CNBD1: variants seen among roughly 807,000 people sequenced by gnomAD.
CNBD1 encodes the protein cyclic nucleotide-binding domain-containing protein 1.
Under a neutral mutation model 54.4 loss-of-function variants are expected in CNBD1, and 71 were observed. The ratio of observed to expected loss-of-function variants is 1.30; its 90% CI spans 1.08 to 1.59. The LOEUF (loss-of-function observed/expected upper bound fraction) is 1.59, where lower values mean the gene tolerates loss of function less well. Among genes scored for constraint, CNBD1 ranks in the 40% most tolerant of loss-of-function variants. The pLI, the probability that CNBD1 is intolerant of heterozygous loss-of-function variation, is 0.00. For missense variants in CNBD1, 659 were observed against 518.0 expected (o/e 1.27, Z -2.64); for synonymous variants, 182 against 170.7 (o/e 1.07, Z -0.51).
rs147913481 is a variant in CNBD1 at position 87,405,544 on chromosome 8, C to T, written c.214-23002C>T. Among the ~76,000 whole-genome samples, 33 of 152,156 alleles carry T rather than the reference C, an allele frequency of 2.2e-4. No homozygotes were observed. The East Asian group carries it at 3.3e-3, about 15-fold the overall frequency. ...GCAATAATTCGTAAGTGGTTTATTA[C>T]TGCCTAAGACAAGGTTACCACTTTT... On this transcript the variant is annotated intron_variant, in intron 2 of 7. Coordinates refer to the CNBD1 transcript ENST00000521593.
intron 4 of CNBD1, among the ~76,000 whole-genome samples, chr8:87,188,228 A>G (rs1009376240): frequency 6.6e-6 from 1 of 152,122 alleles, no homozygotes; most frequent in African/African-American, 2.4e-5. Context: ...CCTAGACTAG[A>G]TTACGTCTCT....
At chr8:86,946,522 C>T (rs1013310987) in intron 4 of CNBD1, among the ~76,000 whole-genome samples, 9 of 151,980 alleles carry the variant, frequency 5.9e-5, no homozygotes, top group Non-Finnish European at 8.8e-5. Flanking sequence ...AAAGCTGAGG[C>T]TTCTTGTTTT....
At chr8:87,264,856 T>A (rs1808215960) in intron 6 of CNBD1, among the ~76,000 whole-genome samples, 2 of 152,184 alleles carry the variant, frequency 1.3e-5, no homozygotes, top group South Asian at 4.1e-4. Context: ...TGTTTGTTTT[T>A]TTCTTGTAAA....
chr8:87,234,502 G>A (rs535134245), intron 5 of CNBD1, among the ~76,000 whole-genome samples: 22 of 152,306 alleles, frequency 1.4e-4, no homozygotes, highest in South Asian at 6.2e-4. Flanking sequence ...TTCCGTCAGA[G>A]TTCTTGGGTG....
chr8:86,898,715 C>A (rs1808883982), intron 2 of CNBD1, among the ~76,000 whole-genome samples: 1 of 151,926 alleles, frequency 6.6e-6, no homozygotes, highest in African/African-American at 2.4e-5. Flanking sequence ...AAGTATAAAA[C>A]CATATAAGAT....
chr8:87,276,172 G>A (rs1465039367), intron 6 of CNBD1, among the ~76,000 whole-genome samples: 1 of 151,766 alleles, frequency 6.6e-6, no homozygotes, highest in Non-Finnish European at 1.5e-5. Context: ...ATTGATATTA[G>A]TTGGCTTGCT....
intron 4 of CNBD1, among the ~76,000 whole-genome samples, chr8:87,174,238 G>A (rs565156597): frequency 3.3e-5 from 5 of 152,066 alleles, no homozygotes; most frequent in Non-Finnish European, 7.4e-5. Flanking sequence ...GATTACAGAC[G>A]TGAGCCACCA....
chr8:87,306,180 A>G (rs117495075), intron 8 of CNBD1, among the ~76,000 whole-genome samples: 2,753 of 152,334 alleles, frequency 0.018, 63 homozygotes, highest in Middle Eastern at 0.11. Context: ...GATAAAGGAA[A>G]TGCAAATCAA....
rs1212912399 is a variant in CNBD1 at position 87,163,724 on chromosome 8, G to GT, written c.432-42261dup. Among the ~76,000 whole-genome samples, 3 of 150,886 alleles carry GT rather than the reference G, an allele frequency of 2.0e-5. No individual in the cohort carries two copies. Among genetic ancestry groups the GT allele is most frequent in the East Asian group, 3.9e-4 (2 of 5,120 alleles). ...CAGTTTTTTTGTTGGCGTCTTTAGG[G>GT]TTTTTTTTAAATATAAGATTATGTC... is the stretch of plus-strand genomic sequence containing the variant. On this transcript the variant is annotated intron_variant, in intron 4 of 10. Coordinates refer to ENST00000518476, the MANE Select transcript of CNBD1 (RefSeq NM_173538.3). This position sits in a 1 kb window ranked among gnomAD's most constrained non-coding sequence, Gnocchi z 4.5.
chr8:87,071,795 G>C (rs1156776866), intron 4 of CNBD1, among the ~76,000 whole-genome samples: 1 of 152,046 alleles, frequency 6.6e-6, no homozygotes. Flanking sequence ...TGTTGTTTTG[G>C]GGTGGAGAGT....
intron 8 of CNBD1, among the ~76,000 whole-genome samples, chr8:87,308,869 A>G (rs879332515): frequency 6.6e-6 from 1 of 152,112 alleles, no homozygotes; most frequent in Non-Finnish European, 1.5e-5. Context: ...GTCTTATTTC[A>G]TTTAATATAC....
chr8:87,359,568 T>A (rs1810488624), intron 10 of CNBD1, among the ~76,000 whole-genome samples: 1 of 152,162 alleles, frequency 6.6e-6, no homozygotes, highest in African/African-American at 2.4e-5. Context: ...TTAATTTTGC[T>A]GAAATAATTT....
chr8:86,874,372 C>G (rs899958454), intron 1 of CNBD1, among the ~76,000 whole-genome samples: 2 of 152,112 alleles, frequency 1.3e-5, no homozygotes, highest in East Asian at 3.9e-4. Flanking sequence ...TCTTTGTCAG[C>G]AATATCACAG....
chr8:87,373,889 T>A (rs970385537), intron 10 of CNBD1, among the ~76,000 whole-genome samples: 1 of 151,522 alleles, frequency 6.6e-6, no homozygotes, highest in Non-Finnish European at 1.5e-5. Flanking sequence ...TTTATAAACT[T>A]GTTATCACAT....
chr8:87,012,658 A>T lies in CNBD1; in HGVS notation c.431+72904A>T, dbSNP rs372448188. ...CTGCTGTCTCTAAAGTCTGCTATCT[A>T]AGAGCTTCCTCTGAACAATAAAACT... is the stretch of plus-strand genomic sequence containing the variant. On this transcript the variant is annotated intron_variant, in intron 4 of 10. Transcript: ENST00000518476. Among the ~76,000 whole-genome samples the T allele has an allele frequency of 5.9e-4, 90 of 152,282 alleles. No individual in the cohort carries two copies. The South Asian group carries it at 0.018, about 31-fold the overall frequency.
At chr8:87,089,928 A>C (rs1811173096) in intron 4 of CNBD1, among the ~76,000 whole-genome samples, 1 of 152,142 alleles carries the variant, frequency 6.6e-6, no homozygotes, top group South Asian at 2.1e-4. Flanking sequence ...CTTAGCTTAC[A>C]TATATGAATA....
intron 2 of CNBD1, among the ~76,000 whole-genome samples, chr8:87,424,719 G>A (rs1348528727): frequency 2.0e-5 from 3 of 152,128 alleles, no homozygotes; most frequent in South Asian, 2.1e-4. Flanking sequence ...TCCCTTTGAG[G>A]GGAACCTGAC....
At chr8:87,227,229 A>G (rs942613786) in intron 5 of CNBD1, among the ~76,000 whole-genome samples, 19 of 151,392 alleles carry the variant, frequency 1.3e-4, no homozygotes, top group Admixed American at 1.1e-3. Flanking sequence ...TGGAGCATTT[A>G]GTCCATTTAC....
At chr8:87,305,002 G>T (rs968725919) in intron 8 of CNBD1, among the ~76,000 whole-genome samples, 1 of 152,050 alleles carries the variant, frequency 6.6e-6, no homozygotes, top group Non-Finnish European at 1.5e-5. Flanking sequence ...TGTTTACCTT[G>T]AAAACCCTAA....
Sources: gnomAD v4.1 joint callset for allele counts (sites outside exome capture counted in the v4.1 genomes callset) on GRCh38, gnomAD v4.1.1 for gene constraint, Gnocchi (gnomAD v3.1) non-coding constraint, MANE v1.5 for transcripts, NCBI Gene and HGNC (gene_info 2026-07-23, HGNC 2026-07-21) for gene names.